Variants in ACOX1 observed in about 807,000 individuals in gnomAD.
The protein encoded by ACOX1 is peroxisomal acyl-coenzyme A oxidase 1.
ACOX1 carries 41 observed loss-of-function variants against 75.5 expected under a neutral mutation model. The ratio of observed to expected loss-of-function variants is 0.54; its 90% CI spans 0.42 to 0.70. The LOEUF (loss-of-function observed/expected upper bound fraction) is 0.70, where lower values mean the gene tolerates loss of function less well. ACOX1 is among the 30% of genes least tolerant of loss of function. ACOX1 has a pLI of 0.00. For synonymous variants in ACOX1, 303 were observed against 298.8 expected (o/e 1.01, Z -0.15); for missense variants, 630 against 837.5 (o/e 0.75, Z 3.06).
Position 75,958,671 on chromosome 17 carries a change from G to A in ACOX1, c.431-1105C>T, listed in dbSNP as rs542073494. Among the ~76,000 whole-genome samples the A allele has an allele frequency of 4.8e-3, 731 of 151,864 alleles. 4 individuals are homozygous for A. The highest frequency in any genetic ancestry group is 0.011 in the African/African-American group (448 of 41,438). On this transcript the variant is annotated intron_variant, in intron 3 of 13. Coordinates refer to ENST00000293217, the MANE Select transcript of ACOX1 (RefSeq NM_004035.7). ...AAAATACAAAAAATTAGCTGGGCAT[G>A]GTGGTGGGTGCCTGTAGTCCCAGCT...
At chr17:75,951,115 C>A in intron 8 of ACOX1, 151 bp from the exon 9 acceptor site, 1 of 909,028 alleles carries the variant, frequency 1.1e-6, no homozygotes, top group Non-Finnish European at 1.7e-6. Flanking sequence ...GTCCGACTGG[C>A]CAGAAGAATA....
intron 2 of ACOX1, among the ~76,000 whole-genome samples, chr17:75,963,700 A>G (rs2065906096): frequency 6.6e-6 from 1 of 151,968 alleles, no homozygotes; most frequent in Non-Finnish European, 1.5e-5. Context: ...CTATCTAAAA[A>G]AAAAAAAAGA....
rs2065827115 is a variant in ACOX1, at chr17:75,956,723, A to AT, written c.538+735dup. Among the ~76,000 whole-genome samples the AT allele has an allele frequency of 4.0e-5, 6 of 150,750 alleles. No individual in the cohort carries two copies. The South Asian group carries it at 1.0e-3, about 26-fold the overall frequency. ...AAAAGTTTGTGTTAAAACTATTTAA[A>AT]TTTTTTTCTTTTTTTTTTTTAAGAG... is the stretch of plus-strand genomic sequence containing the variant. On this transcript the variant is annotated intron_variant, in intron 4 of 13. Transcript: ENST00000293217.
At position 75,955,912 on chromosome 17, in the gene ACOX1, G is replaced by T. The variant is rs200833797; in HGVS notation, c.574C>A (p.Gln192Lys). ...TAGCATTTCCCCTTAGTGATGAGCT[G>T]GGCAAGAACTATTGCATGATTTGAA... ...KTSNHAIVLA[Q>K]LITKGKCYGL... is the part of the protein sequence containing the mutation. The change falls in exon 5 of 14, where the codon CAG becomes AAG. Residue 192 changes from glutamine (Q) to lysine (K), a missense_variant. Around this residue, in one of 2 missense-constraint regions of ACOX1, gnomAD observed 390 missense variants for 574.9 expected, o/e 0.68. Transcript: ENST00000293217. The T allele has an allele frequency of 2.5e-4, 405 of 1,613,970 alleles. 1 individual carries two copies. Among genetic ancestry groups the T allele is most frequent in the Non-Finnish European group, 2.4e-4 (285 of 1,180,026 alleles).
At chr17:75,958,806 T>TC (rs2065863067) in intron 3 of ACOX1, among the ~76,000 whole-genome samples, 1 of 101,502 alleles carries the variant, frequency 9.9e-6, no homozygotes, top group African/African-American at 5.5e-5. Flanking sequence ...CGACTCCGTC[T>TC]CAAAAAAAAA....
intron 8 of ACOX1, among the ~76,000 whole-genome samples, 167 bp from the exon 9 acceptor site, chr17:75,951,131 C>T (rs2065770529): frequency 6.6e-6 from 1 of 152,178 alleles, no homozygotes; most frequent in Non-Finnish European, 1.5e-5. Context: ...GAATACAGAA[C>T]ACTACCCATG....
chr17:75,956,482 G>A (rs971723744), intron 4 of ACOX1, among the ~76,000 whole-genome samples: 1 of 152,082 alleles, frequency 6.6e-6, no homozygotes, highest in African/African-American at 2.4e-5. Flanking sequence ...GAGGTCAGGA[G>A]TTTGAGACCA....
At chr17:75,962,928 C>T (rs1014901181) in intron 2 of ACOX1, among the ~76,000 whole-genome samples, 2 of 151,780 alleles carry the variant, frequency 1.3e-5, no homozygotes, top group Non-Finnish European at 2.9e-5. Flanking sequence ...GGTTGGAGTT[C>T]AAGACCAGCC....
intron 6 of ACOX1, among the ~76,000 whole-genome samples, chr17:75,955,270 C>CTCCCA (rs1482136605): frequency 6.6e-6 from 1 of 151,982 alleles, no homozygotes; most frequent in Non-Finnish European, 1.5e-5. Context: ...TCAAGTGATC[C>CTCCCA]TCCCACCCCA....
chr17:75,962,529 T>G (rs2065896617), intron 2 of ACOX1, among the ~76,000 whole-genome samples: 1 of 152,224 alleles, frequency 6.6e-6, no homozygotes, highest in African/African-American at 2.4e-5. Context: ...AAATGACAGT[T>G]CAGTTTTTAA....
chr17:75,957,319 G>A, intron 4 of ACOX1, 140 bp downstream of exon 4: 1 of 761,898 alleles, frequency 1.3e-6, no homozygotes. Flanking sequence ...GACCTCAAGT[G>A]ATCTGCCCAC....
chr17:75,970,461 C>A (rs993389778), intron 2 of ACOX1, among the ~76,000 whole-genome samples: 36 of 152,254 alleles, frequency 2.4e-4, no homozygotes, highest in African/African-American at 7.9e-4. Flanking sequence ...GCTCCCAGAC[C>A]CACAGGGCAG....
intron 4 of ACOX1, among the ~76,000 whole-genome samples, chr17:75,956,967 CTCTCTATATATATATATATA>C (rs1567878017): frequency 0.011 from 123 of 11,036 alleles, no homozygotes; most frequent in Non-Finnish European, 0.013. Context: ...CTCTCTCTCT[CTCTCTATATATATATATATA>C]TATATATATA....
Position 75,950,923 on chromosome 17 carries a change from C to A in ACOX1, c.1149G>T (p.Trp383Cys). 2 of 1,614,174 alleles carry A rather than the reference C, an allele frequency of 1.2e-6. No homozygotes were observed. Among genetic ancestry groups the A allele is most frequent in the Non-Finnish European group, 1.7e-6 (2 of 1,180,030 alleles). ...LTAGLKAFTS[W>C]TANTGIEACR... ...ATGCTTCAATGCCAGTGTTTGCAGT[C>A]CAGGAGGTGAAAGCCTTCAGTCCAG... Residue 383 changes from tryptophan to cysteine, a missense_variant, in exon 9 of 14, where the codon TGG (tryptophan) becomes TGT (cysteine). Coordinates refer to ENST00000293217, the MANE Select transcript of ACOX1 (RefSeq NM_004035.7). The surrounding 1 kb of genome is among the most constrained non-coding windows in gnomAD (Gnocchi z 4.3).
chr17:75,977,490 C>A lies in ACOX1; in HGVS notation c.269+1044G>T, dbSNP rs568777201. 1.5e-3 allele frequency among the ~76,000 whole-genome samples: 233 copies of A among 151,856 alleles called. 1 individual carries two copies. The highest frequency in any genetic ancestry group is 5.3e-3 in the African/African-American group (221 of 41,442). ...CTGAAGCAGGAGAATCGCTTGAATC[C>A]GGGAGGTGGAGGCTGGAGTGAGCCG... On this transcript the variant is annotated intron_variant, in intron 2 of 13. Transcript: ENST00000293217.
Position 75,950,322 on chromosome 17 carries a change from T to G in ACOX1, c.1299-425A>C, listed in dbSNP as rs2065762959. Among the ~76,000 whole-genome samples, 1 of 151,400 alleles carries G rather than the reference T, an allele frequency of 6.6e-6. No individual in the cohort carries two copies. Among genetic ancestry groups the G allele is most frequent in the African/African-American group, 2.4e-5 (1 of 41,144 alleles). ...GTGCAATAGCGCAATCTTGGCTCAC[T>G]GCAACCTCCGCTTCCCAGGTTCAAG... On this transcript the variant is annotated intron_variant, in intron 9 of 13. Transcript: ENST00000293217. This position sits in a 1 kb window ranked among gnomAD's most constrained non-coding sequence, Gnocchi z 4.3.
At chr17:75,956,228 C>T (rs1398729410) in intron 4 of ACOX1, among the ~76,000 whole-genome samples, 1 of 152,014 alleles carries the variant, frequency 6.6e-6, no homozygotes, top group Non-Finnish European at 1.5e-5. Context: ...CTTGTTATCC[C>T]TTAAGGCAGT....
chr17:75,960,163 G>T lies in ACOX1; in HGVS notation c.430+52C>A. 6.2e-7 allele frequency: 1 copy of T among 1,610,668 alleles called. No homozygotes were observed. The highest frequency in any genetic ancestry group is 8.5e-7 in the Non-Finnish European group (1 of 1,178,110). On this transcript the variant is annotated intron_variant, in intron 3 of 13. Transcript: ENST00000293217. The surrounding 1 kb of genome is among the most constrained non-coding windows in gnomAD (Gnocchi z 4.4). ...GCACATGGTGGGCACTCCACACATG[G>T]TAAGCTCACAGGGGCCCGCCCAACC...
intron 2 of ACOX1, among the ~76,000 whole-genome samples, chr17:75,972,366 G>A (rs2066004727): frequency 1.3e-5 from 2 of 148,830 alleles, no homozygotes; most frequent in African/African-American, 5.0e-5. Flanking sequence ...TCAGCCAGGC[G>A]CGGTGGCTCA....
Sources: gnomAD v4.1 joint callset for allele counts (sites outside exome capture counted in the v4.1 genomes callset) on GRCh38, gnomAD v4.1.1 for gene constraint, gnomAD v4.1.1 regional missense constraint, Gnocchi (gnomAD v3.1) non-coding constraint, MANE v1.5 for transcripts, NCBI Gene and HGNC (gene_info 2026-07-23, HGNC 2026-07-21) for gene names.